The following MMP17 variants were observed in gnomAD, a reference collection of about 807,000 sequenced individuals.
MMP17 encodes matrix metalloproteinase-17.
Under a neutral mutation model 49.1 loss-of-function variants are expected in MMP17, and 54 were observed. That is an observed-to-expected ratio of 1.10 (90% CI 0.88 to 1.38). MMP17 has a LOEUF of 1.38. Ranked by LOEUF, MMP17 falls within the 40% of genes most tolerant of loss-of-function variation. The pLI is 0.00. For missense variants in MMP17, 837 were observed against 853.7 expected, an observed-to-expected ratio of 0.98 and a Z score of 0.24; for synonymous variants, 397 against 383.1, an observed-to-expected ratio of 1.04 and a Z score of -0.42.
Position 131,841,608 on chromosome 12 carries a change from C to T in MMP17, c.707-16C>T. The stretch of plus-strand genomic sequence containing the variant: ...CCCTTCTTGCCCTTAGTTCACATGG[C>T]TCCCTGTGTCCCCAGATGCCCACGG... On this transcript the variant is annotated splice_polypyrimidine_tract_variant and intron_variant, in intron 4 of 9. Transcript: ENST00000360564. 1 of 1,613,804 alleles carries T rather than the reference C, an allele frequency of 6.2e-7. No homozygotes were observed. The highest frequency in any genetic ancestry group is 8.5e-7 in the Non-Finnish European group (1 of 1,179,924).
At chr12:131,842,056 G>A (rs1195166232) in intron 5 of MMP17, among the ~76,000 whole-genome samples, 1 of 152,196 alleles carries the variant, frequency 6.6e-6, no homozygotes, top group East Asian at 1.9e-4. Flanking sequence ...GGCGTCCCAG[G>A]CCTGTGCAAA....
chr12:131,840,613 A>ACGGTG lies in MMP17; in HGVS notation c.466_470dup (p.Ala158CysfsTer18). On this transcript the variant is annotated frameshift_variant, in exon 4 of 10. Transcript: ENST00000360564. LOFTEE classifies it high-confidence loss of function. The stretch of plus-strand genomic sequence containing the variant: ...ACGGGACTCACCACTGGGGCACGAC[A>ACGGTG]CGGTGCGTGCACTCATGTACTACGC... The ACGGTG allele has an allele frequency of 1.2e-6, 2 of 1,604,600 alleles. No individual in the cohort carries two copies. Among genetic ancestry groups the ACGGTG allele is most frequent in the Middle Eastern group, 1.7e-4 (1 of 6,054 alleles).
chr12:131,836,376 G>A (rs1048480432), intron 1 of MMP17, among the ~76,000 whole-genome samples: 3 of 152,162 alleles, frequency 2.0e-5, no homozygotes, highest in African/African-American at 7.2e-5. Context: ...TGGGCAGGAG[G>A]GTTGGCCAGG....
intron 1 of MMP17, among the ~76,000 whole-genome samples, chr12:131,835,608 G>T (rs1026847705): frequency 1.3e-5 from 2 of 152,224 alleles, no homozygotes; most frequent in Non-Finnish European, 2.9e-5. Context: ...AGGCTGGGGG[G>T]TGAGTTGTCC....
intron 5 of MMP17, among the ~76,000 whole-genome samples, chr12:131,842,922 C>T (rs1202632743): frequency 1.3e-5 from 2 of 151,514 alleles, no homozygotes; most frequent in South Asian, 2.1e-4. Flanking sequence ...CCCATCCCAT[C>T]CCCCCAGCCC....
Position 131,838,593 on chromosome 12 carries a change from C to A in MMP17, c.293-19C>A, listed in dbSNP as rs1182429485. The A allele has an allele frequency of 6.2e-7, 1 of 1,605,334 alleles. No homozygotes were observed. The highest frequency in any genetic ancestry group is 2.2e-5 in the East Asian group (1 of 44,744). On this transcript the variant is annotated intron_variant, in intron 2 of 9. Coordinates refer to ENST00000360564, the MANE Select transcript of MMP17 (RefSeq NM_016155.7). ...GGAGTGAGCTGGGCTAGGCTCTGAGCTCCATGCTTTCCCTGCAGACGAGGC... is the reference window on the plus strand; with the variant it reads ...GGAGTGAGCTGGGCTAGGCTCTGAGATCCATGCTTTCCCTGCAGACGAGGC...
intron 8 of MMP17, 59 bp from the exon 9 acceptor site, chr12:131,849,743 C>T: frequency 6.5e-7 from 1 of 1,538,388 alleles, no homozygotes; most frequent in Non-Finnish European, 8.8e-7. Context: ...AAGGCAGGAG[C>T]CTCCTGCCCT....
At chr12:131,833,238 AT>A (rs1343057505) in intron 1 of MMP17, among the ~76,000 whole-genome samples, 8 of 152,254 alleles carry the variant, frequency 5.3e-5, no homozygotes. Flanking sequence ...ATGGGCACGA[AT>A]GACGTGGGCA....
intron 4 of MMP17, 108 bp downstream of exon 4, chr12:131,840,964 C>A: frequency 2.3e-6 from 3 of 1,309,330 alleles, no homozygotes; most frequent in Non-Finnish European, 3.1e-6. Flanking sequence ...AAAACACACG[C>A]GGCTGCTCCT....
At chr12:131,836,682 A>G (rs1282197547) in intron 1 of MMP17, among the ~76,000 whole-genome samples, 1 of 151,976 alleles carries the variant, frequency 6.6e-6, no homozygotes, top group Non-Finnish European at 1.5e-5. Context: ...CAGAGAAAAA[A>G]AAAAAGACAG....
chr12:131,839,437 C>T (rs566082869), intron 3 of MMP17, among the ~76,000 whole-genome samples: 6 of 152,082 alleles, frequency 3.9e-5, no homozygotes, highest in Admixed American at 1.3e-4. Context: ...CTCCGCCTCC[C>T]GAGTAGCTGG....
chr12:131,838,450 G>T, intron 2 of MMP17, 123 bp downstream of exon 2: 1 of 1,461,498 alleles, frequency 6.8e-7, no homozygotes, highest in Non-Finnish European at 9.1e-7. Flanking sequence ...TCCTGGCCTG[G>T]TGTAGCTCAG....
intron 6 of MMP17, 51 bp from the exon 7 acceptor site, chr12:131,845,067 C>A: frequency 6.1e-6 from 9 of 1,485,588 alleles, no homozygotes; most frequent in Non-Finnish European, 8.1e-6. Context: ...GATGCCCTGT[C>A]CCGCGCTGCC....
chr12:131,850,146 C>G (rs1186840574), intron 9 of MMP17, 87 bp downstream of exon 9: 1 of 1,460,272 alleles, frequency 6.8e-7, no homozygotes, highest in African/African-American at 1.4e-5. Context: ...AAGAGGTTCC[C>G]TGAAAGGAGG....
In MMP17 at chr12:131,828,565, C is replaced by CCGCTGCCGCTGCT. The variant is rs1566078665; in HGVS notation, c.71_72insCGCTGCCGCTGCT (p.Leu25AlafsTer46). ...CCCGGACTCTCGCGGCTGCCGCTGC[C>CCGCTGCCGCTGCT]GCTGCTGCTGCTGCTGGCGCTGGGG... is the stretch of plus-strand genomic sequence containing the variant. On this transcript the variant is annotated frameshift_variant, in exon 1 of 10. Transcript: ENST00000360564. 1.5e-4 allele frequency: 27 copies of CCGCTGCCGCTGCT among 180,894 alleles called. No individual in the cohort carries two copies. In the East Asian group the frequency reaches 3.0e-3, roughly 20 times the overall value. The allele number at this position is 180,894 out of a possible 1,614,324, so 11.2% of individuals were successfully genotyped here.
Position 131,840,610 on chromosome 12 carries a change from G to C in MMP17, c.460G>C (p.Asp154His), listed in dbSNP as rs143699569. Reference protein sequence around the residue: ...TFPRDSPLGHDTVRALMYYAL... With the variant: ...TFPRDSPLGHHTVRALMYYAL... ...CCCACGGGACTCACCACTGGGGCAC[G>C]ACACGGTGCGTGCACTCATGTACTA... Residue 154 changes from aspartate to histidine, a missense_variant, in exon 4 of 10, where the codon GAC becomes CAC. Coordinates refer to ENST00000360564, the MANE Select transcript of MMP17 (RefSeq NM_016155.7). The C allele has an allele frequency of 3.1e-6, 5 of 1,603,502 alleles. No homozygotes were observed. Among genetic ancestry groups the C allele is most frequent in the East Asian group, 2.2e-5 (1 of 44,708 alleles).
intron 5 of MMP17, among the ~76,000 whole-genome samples, chr12:131,843,159 G>A (rs1021752381): frequency 2.6e-5 from 4 of 151,824 alleles, no homozygotes; most frequent in East Asian, 3.9e-4. Context: ...TAGTAGAGAC[G>A]GGGTTTCACT....
At chr12:131,848,568 C>G (rs1233929243) in intron 8 of MMP17, among the ~76,000 whole-genome samples, 3 of 152,138 alleles carry the variant, frequency 2.0e-5, no homozygotes, top group Non-Finnish European at 4.4e-5. Context: ...CACGGATGCC[C>G]CGCCCCGCCC....
chr12:131,837,159 C>T (rs771396368), intron 1 of MMP17, among the ~76,000 whole-genome samples: 6 of 152,210 alleles, frequency 3.9e-5, no homozygotes, highest in East Asian at 1.9e-4. Flanking sequence ...ACATTTTCCA[C>T]GTCCTGGCTC....
Sources: gnomAD v4.1 joint callset for allele counts (sites outside exome capture counted in the v4.1 genomes callset) on GRCh38, gnomAD v4.1.1 for gene constraint, MANE v1.5 for transcripts, NCBI Gene and HGNC (gene_info 2026-07-23, HGNC 2026-07-21) for gene names.